Variants in ANK3 observed in about 807,000 individuals in gnomAD.
The protein encoded by ANK3 is ankyrin-3.
ANK3 carries 57 observed loss-of-function variants against 370.9 expected under a neutral mutation model. The observed-to-expected ratio is 0.15, with a 90% CI of 0.12 to 0.19. The LOEUF is 0.19. Ranked by LOEUF, ANK3 falls within the 10% of genes least tolerant of loss-of-function variation. ANK3 has a pLI of 1.00. For missense variants in ANK3, 4,439 were observed against 5,302.1 expected, an observed-to-expected ratio of 0.84 and a Z score of 5.06; for synonymous variants, 1,929 against 1,946.3, an observed-to-expected ratio of 0.99 and a Z score of 0.23.
chr10:60,412,312 C>A (rs569473536), intron 2 of ANK3, among the ~76,000 whole-genome samples: 1 of 152,234 alleles, frequency 6.6e-6, no homozygotes, highest in African/African-American at 2.4e-5. Flanking sequence ...CCCTGAGAGC[C>A]TGAAGAGAAC....
In ANK3 at chr10:60,356,922, T is replaced by A. The variant is rs549356781; in HGVS notation, c.114+32503A>T. The stretch of plus-strand genomic sequence containing the variant: ...TGGGGTTTTGCCATGTTGGCCAGGC[T>A]GGTCTTGAACTCCTGTCCTCAAGTG... On this transcript the variant is annotated intron_variant, in intron 1 of 43. Coordinates refer to ENST00000280772, the MANE Select transcript of ANK3 (RefSeq NM_020987.5). 1.1e-4 allele frequency among the ~76,000 whole-genome samples: 17 copies of A among 152,332 alleles called. No homozygotes were observed. The South Asian group carries it at 3.5e-3, about 32-fold the overall frequency.
In ANK3 at chr10:60,348,401, C is replaced by A. The variant is rs187519976; in HGVS notation, c.114+41024G>T. Among the ~76,000 whole-genome samples the A allele has an allele frequency of 5.4e-5, 8 of 149,072 alleles. No homozygotes were observed. The East Asian group carries it at 1.6e-3, about 29-fold the overall frequency. On this transcript the variant is annotated intron_variant, in intron 1 of 43. Transcript: ENST00000280772. Reference sequence around the variant, plus strand: ...AAAACAAAAAAAACGAACTAACTGGCTGTCTCAGGAAGCACTGGCATTTGA... The same window carrying A: ...AAAACAAAAAAAACGAACTAACTGGATGTCTCAGGAAGCACTGGCATTTGA...
intron 1 of ANK3, among the ~76,000 whole-genome samples, chr10:60,329,513 T>C (rs1231652177): frequency 6.6e-6 from 1 of 152,152 alleles, no homozygotes; most frequent in Non-Finnish European, 1.5e-5. Flanking sequence ...AGCCAAATCA[T>C]GAGTGAACTC....
chr10:60,075,140 C>A lies in ANK3; in HGVS notation c.5741G>T (p.Arg1914Leu). The A allele has an allele frequency of 6.2e-7, 1 of 1,614,106 alleles. No individual in the cohort carries two copies. ...DVAEMKEDLM[R>L]MTAILQTDVP... ...ATCTGTCTGTAGTATTGCGGTCATC[C>A]GCATTAGGTCCTCTTTCATTTCAGC... Residue 1914 changes from arginine to leucine, a missense_variant, in exon 37 of 44, where the codon CGG becomes CTG. Physicochemically the swap from Arg to Leu is moderately radical, Grantham distance 102. Around this residue, in one of 13 missense-constraint regions of ANK3, gnomAD observed 679 missense variants for 791.0 expected, o/e 0.86. Transcript: ENST00000280772.
intron 2 of ANK3, among the ~76,000 whole-genome samples, chr10:60,554,202 C>T (rs867138864): frequency 6.6e-6 from 1 of 152,102 alleles, no homozygotes; most frequent in African/African-American, 2.4e-5. Flanking sequence ...TTAAGCTATG[C>T]TTTTTATTTT....
chr10:60,268,439 A>T (rs929990306), intron 5 of ANK3, among the ~76,000 whole-genome samples: 1 of 152,200 alleles, frequency 6.6e-6, no homozygotes, highest in African/African-American at 2.4e-5. Flanking sequence ...CAGTGCTAAC[A>T]GCGTGTTATT....
intron 1 of ANK3, chr10:60,684,727 G>A (rs2079245560): frequency 1.9e-6 from 3 of 1,585,238 alleles, no homozygotes; most frequent in African/African-American, 2.7e-5. Flanking sequence ...TCACTTCGGG[G>A]ATGTAGGTGG....
At chr10:60,603,565 C>A (rs2133308423) in intron 2 of ANK3, among the ~76,000 whole-genome samples, 1 of 152,090 alleles carries the variant, frequency 6.6e-6, no homozygotes, top group African/African-American at 2.4e-5. Context: ...AAATAGAAAG[C>A]CATTTGCAGA....
At chr10:60,732,783 A>G (rs2080042721) in intron 1 of ANK3, among the ~76,000 whole-genome samples, 1 of 151,892 alleles carries the variant, frequency 6.6e-6, no homozygotes, top group Admixed American at 6.6e-5. Flanking sequence ...TTTCCGAACC[A>G]GGTGATTTCC....
At chr10:60,105,628 G>A (rs2092058416) in intron 28 of ANK3, among the ~76,000 whole-genome samples, 1 of 152,060 alleles carries the variant, frequency 6.6e-6, no homozygotes, top group Admixed American at 6.5e-5. Context: ...GCTCATTTTT[G>A]ACTTAGAAAA....
At chr10:60,297,637 A>G (rs1221242343) in intron 1 of ANK3, among the ~76,000 whole-genome samples, 1 of 152,164 alleles carries the variant, frequency 6.6e-6, no homozygotes, top group African/African-American at 2.4e-5. Context: ...TCTTAACATT[A>G]TAAAGAGAAT....
At chr10:60,126,983 T>G (rs2093795433) in intron 25 of ANK3, among the ~76,000 whole-genome samples, 1 of 152,164 alleles carries the variant, frequency 6.6e-6, no homozygotes, top group Admixed American at 6.5e-5. Flanking sequence ...GGGGGAAGAC[T>G]GAAATTAAAT....
chr10:60,167,463 C>T (rs201346312), intron 21 of ANK3, among the ~76,000 whole-genome samples: 1 of 152,110 alleles, frequency 6.6e-6, no homozygotes, highest in African/African-American at 2.4e-5. Context: ...TAGCCTCCCC[C>T]AAAATTTAAA....
intron 23 of ANK3, among the ~76,000 whole-genome samples, chr10:60,153,435 T>C (rs949944171): frequency 2.0e-5 from 3 of 152,144 alleles, no homozygotes; most frequent in Admixed American, 6.5e-5. Flanking sequence ...AGGACTGATA[T>C]GACTTGCTGA....
At position 60,246,314 on chromosome 10, in the gene ANK3, G is replaced by T. The variant is rs535617643; in HGVS notation, c.799-11528C>A. On this transcript the variant is annotated intron_variant, in intron 7 of 43. Coordinates refer to ENST00000280772, the MANE Select transcript of ANK3 (RefSeq NM_020987.5). ...GAAAAAAAGATGATCACCATTGTAA[G>T]TTTTTTTTTTTCCTCTTTCTTCATG... Among the ~76,000 whole-genome samples, 3 of 136,862 alleles carry T rather than the reference G, an allele frequency of 2.2e-5. No individual in the cohort carries two copies. In the East Asian group the frequency reaches 6.5e-4, roughly 30 times the overall value. 89.8% of individuals were successfully genotyped at this position (136,862 alleles called of 152,430 possible).
intron 23 of ANK3, among the ~76,000 whole-genome samples, chr10:60,141,571 T>TTTTG (rs2094564517): frequency 8.3e-6 from 1 of 120,988 alleles, no homozygotes; most frequent in African/African-American, 3.3e-5. Flanking sequence ...GTTTTTTTTT[T>TTTTG]TTTTTTTTTT....
intron 1 of ANK3, among the ~76,000 whole-genome samples, chr10:60,629,756 A>T (rs2078457624): frequency 6.6e-6 from 1 of 152,168 alleles, no homozygotes; most frequent in African/African-American, 2.4e-5. Flanking sequence ...TAAAAAAAGA[A>T]TGCCTCTGGT....
At chr10:60,728,080 G>T (rs936558373) in intron 1 of ANK3, among the ~76,000 whole-genome samples, 2 of 152,082 alleles carry the variant, frequency 1.3e-5, no homozygotes, top group Non-Finnish European at 2.9e-5. Flanking sequence ...CCATAGTAAA[G>T]GTAGGAATCA....
At chr10:60,433,478 G>T (rs1304454359) in intron 2 of ANK3, among the ~76,000 whole-genome samples, 1 of 152,088 alleles carries the variant, frequency 6.6e-6, no homozygotes, top group Admixed American at 6.5e-5. Flanking sequence ...TATAATCACA[G>T]CCATGTTGGG....
Sources: allele counts gnomAD v4.1 joint callset (sites outside exome capture counted in the v4.1 genomes callset), GRCh38; gene constraint gnomAD v4.1.1; regional missense constraint gnomAD v4.1.1; transcripts MANE v1.5; gene names NCBI Gene and HGNC (gene_info 2026-07-23, HGNC 2026-07-21).